Variants in AP3B1 observed in about 807,000 individuals in gnomAD.
The protein encoded by AP3B1 is AP-3 complex subunit beta-1.
In AP3B1, 61 loss-of-function variants were observed where a neutral mutation model predicts 132.5. That is an observed-to-expected ratio of 0.46 (90% CI 0.37 to 0.57). The LOEUF (loss-of-function observed/expected upper bound fraction) is 0.57. Among genes scored for constraint, AP3B1 ranks in the 20% least tolerant of loss-of-function variants. The pLI is 0.00. For missense variants in AP3B1, 1,120 were observed against 1,289.4 expected (o/e 0.87, Z 2.01); for synonymous variants, 388 against 438.3 (o/e 0.89, Z 1.43).
Position 78,080,849 on chromosome 5 carries a change from A to C in AP3B1, c.2577+8544T>G, listed in dbSNP as rs374043784. Among the ~76,000 whole-genome samples, 12 of 152,194 alleles carry C rather than the reference A, an allele frequency of 7.9e-5. No homozygotes were observed. The East Asian group carries it at 2.1e-3, about 27-fold the overall frequency. ...GTATGAAAATATGATCGGTGGAAAA[A>C]CTTTTGATTGGCTGGTAACTGGATG... is the stretch of plus-strand genomic sequence containing the variant. On this transcript the variant is annotated intron_variant, in intron 22 of 26. Coordinates refer to ENST00000255194, the MANE Select transcript of AP3B1 (RefSeq NM_003664.5).
At chr5:78,253,330 T>C (rs530215981) in intron 2 of AP3B1, among the ~76,000 whole-genome samples, 3 of 152,352 alleles carry the variant, frequency 2.0e-5, no homozygotes, top group Admixed American at 6.5e-5. Flanking sequence ...CCAAAGAACA[T>C]CTACTTGCAC....
chr5:78,109,975 C>A (rs1174323029), intron 20 of AP3B1, among the ~76,000 whole-genome samples: 1 of 152,066 alleles, frequency 6.6e-6, no homozygotes, highest in Non-Finnish European at 1.5e-5. Context: ...AAAACCCCCC[C>A]CTTGTCACAA....
At chr5:78,207,956 G>A (rs923281439) in intron 7 of AP3B1, among the ~76,000 whole-genome samples, 4 of 152,130 alleles carry the variant, frequency 2.6e-5, no homozygotes, top group African/African-American at 9.7e-5. Context: ...TATCAATCAA[G>A]TGTGAGAGTG....
At chr5:78,125,968 A>C (rs567866963) in intron 17 of AP3B1, among the ~76,000 whole-genome samples, 1 of 152,086 alleles carries the variant, frequency 6.6e-6, no homozygotes, top group Admixed American at 6.6e-5. Flanking sequence ...ATTGCTATCA[A>C]CTCTGAGAAG....
At chr5:78,227,954 T>C (rs1449535758) in intron 4 of AP3B1, among the ~76,000 whole-genome samples, 190 bp downstream of exon 4, 3 of 144,928 alleles carry the variant, frequency 2.1e-5, no homozygotes, top group Non-Finnish European at 4.4e-5. Context: ...AGCTGTAACA[T>C]ATACAGCAAG....
At chr5:78,199,193 TTTC>T (rs1173800620) in intron 7 of AP3B1, among the ~76,000 whole-genome samples, 1 of 152,230 alleles carries the variant, frequency 6.6e-6, no homozygotes, top group Non-Finnish European at 1.5e-5. Flanking sequence ...ACACATCTCA[TTTC>T]TTATGACTAG....
intron 22 of AP3B1, among the ~76,000 whole-genome samples, chr5:78,070,368 C>T (rs985443691): frequency 2.0e-5 from 3 of 148,994 alleles, no homozygotes; most frequent in African/African-American, 7.5e-5. Flanking sequence ...GATCACGCTA[C>T]TGCACTCCAG....
In AP3B1 at chr5:78,002,804, G is replaced by T; in HGVS notation, c.*98C>A. On this transcript the variant is annotated 3_prime_UTR_variant, in exon 27 of 27. Transcript: ENST00000255194. The stretch of plus-strand genomic sequence containing the variant: ...GTCAAGAGTGTATTCTACCCCCACT[G>T]CCAGATGGAAGGGCTATTATTATAA... 7.3e-7 allele frequency: 1 copy of T among 1,370,278 alleles called. No individual in the cohort carries two copies. Among genetic ancestry groups the T allele is most frequent in the Non-Finnish European group, 1.0e-6 (1 of 958,220 alleles). 84.9% of individuals were successfully genotyped at this position (1,370,278 alleles called of 1,614,324 possible).
In AP3B1 at chr5:78,186,033, G is replaced by C. The variant is rs147951815; in HGVS notation, c.787-4371C>G. 8.3e-3 allele frequency among the ~76,000 whole-genome samples: 1,267 copies of C among 152,116 alleles called. 10 individuals are homozygous for C. The highest frequency in any genetic ancestry group is 0.024 in the Middle Eastern group (7 of 294). On this transcript the variant is annotated intron_variant, in intron 7 of 26. Coordinates refer to ENST00000255194, the MANE Select transcript of AP3B1 (RefSeq NM_003664.5). ...CAAAAAACAAAAAACTAAATGGGAC[G>C]CTTAAGCCTTAAAAATAAATAATTA...
intron 1 of AP3B1, among the ~76,000 whole-genome samples, chr5:78,269,079 C>A (rs1177882026): frequency 1.3e-5 from 2 of 152,126 alleles, no homozygotes; most frequent in Admixed American, 1.3e-4. Context: ...TTCTTCATTA[C>A]GTAGATTCAA....
At chr5:78,067,661 T>C (rs1749349126) in intron 22 of AP3B1, among the ~76,000 whole-genome samples, 1 of 152,154 alleles carries the variant, frequency 6.6e-6, no homozygotes, top group Admixed American at 6.5e-5. Context: ...CTGCTACTGA[T>C]TGACTCCTGG....
chr5:78,053,697 A>AAAAAGAAAG (rs1554060861), intron 22 of AP3B1, among the ~76,000 whole-genome samples: 1 of 142,746 alleles, frequency 7.0e-6, no homozygotes, highest in Non-Finnish European at 1.5e-5. Flanking sequence ...AAAAAAAAAA[A>AAAAAGAAAG]GAAAGAAAAG....
intron 14 of AP3B1, among the ~76,000 whole-genome samples, chr5:78,150,779 T>C (rs66637616): frequency 6.6e-6 from 1 of 151,970 alleles, no homozygotes; most frequent in East Asian, 1.9e-4. Flanking sequence ...TTATTTATTT[T>C]TTTTTTACAT....
rs146503597 is a variant in AP3B1 at position 78,015,546 on chromosome 5, C to T, written c.2995G>A (p.Val999Met). The T allele has an allele frequency of 6.8e-3, 11,050 of 1,613,418 alleles. 64 individuals are homozygous for T. The highest frequency in any genetic ancestry group is 8.4e-3 in the Non-Finnish European group (9,940 of 1,179,654). Residue 999 changes from valine (V) to methionine (M), a missense_variant and splice_region_variant, in exon 26 of 27, where the codon GTG (valine) becomes ATG (methionine). Transcript: ENST00000255194. ...SEKDFKKEQG[V>M]LTGMNETSAV... ...GAAGTTTCATTCATTCCTGTTAGCA[C>T]TCCTGTAAAAGCAAAAGAAGGCTCC...
At chr5:78,111,728 T>C (rs1408192225) in intron 19 of AP3B1, among the ~76,000 whole-genome samples, 2 of 152,092 alleles carry the variant, frequency 1.3e-5, no homozygotes, top group African/African-American at 4.8e-5. Context: ...AAAGGTCTAG[T>C]TCTCTCTACC....
chr5:78,031,669 T>C (rs1488291575), intron 24 of AP3B1, among the ~76,000 whole-genome samples: 1 of 152,222 alleles, frequency 6.6e-6, no homozygotes, highest in Non-Finnish European at 1.5e-5. Flanking sequence ...CTGTGCTTGA[T>C]GTTCTGCCAG....
At chr5:78,270,291 G>GA (rs1440142071) in intron 1 of AP3B1, among the ~76,000 whole-genome samples, 1 of 151,912 alleles carries the variant, frequency 6.6e-6, no homozygotes, top group African/African-American at 2.4e-5. Flanking sequence ...ATTTTAAAAA[G>GA]AAAAAAGAAA....
chr5:78,156,505 T>C, intron 13 of AP3B1, 138 bp from the exon 14 acceptor site: 1 of 678,418 alleles, frequency 1.5e-6, no homozygotes, highest in South Asian at 1.9e-5. Flanking sequence ...AGCATAACCA[T>C]GAGTGCGCTT....
intron 2 of AP3B1, among the ~76,000 whole-genome samples, chr5:78,249,134 C>G (rs1747514871): frequency 6.6e-6 from 1 of 152,026 alleles, no homozygotes; most frequent in South Asian, 2.1e-4. Flanking sequence ...GAGGGCGGAT[C>G]ACCTGAGATC....
Sources: gnomAD v4.1 joint callset for allele counts (sites outside exome capture counted in the v4.1 genomes callset) on GRCh38, gnomAD v4.1.1 for gene constraint, MANE v1.5 for transcripts, NCBI Gene and HGNC (gene_info 2026-07-23, HGNC 2026-07-21) for gene names.